Variants in PTPRK observed in about 807,000 individuals in gnomAD.
PTPRK encodes the protein receptor-type tyrosine-protein phosphatase kappa.
A neutral mutation model predicts 178.0 loss-of-function variants in PTPRK; 75 were observed. That is an observed-to-expected ratio of 0.42 (90% CI 0.35 to 0.51). The LOEUF (loss-of-function observed/expected upper bound fraction) is 0.51, where lower values mean the gene tolerates loss of function less well. PTPRK is among the 20% of genes least tolerant of loss of function. The pLI, the probability that PTPRK is intolerant of heterozygous loss-of-function variation, is 0.02. For missense variants in PTPRK, 1,441 were observed against 1,797.8 expected (o/e 0.80, Z 3.59); for synonymous variants, 637 against 620.6 (o/e 1.03, Z -0.39).
intron 13 of PTPRK, among the ~76,000 whole-genome samples, chr6:128,021,247 T>C (rs1773455451): frequency 1.3e-5 from 2 of 152,178 alleles, no homozygotes; most frequent in African/African-American, 2.4e-5. Flanking sequence ...ACACCCAAAA[T>C]ACTTCAGTGG....
intron 6 of PTPRK, among the ~76,000 whole-genome samples, chr6:128,197,741 C>A (rs1462853919): frequency 6.6e-6 from 1 of 151,740 alleles, no homozygotes; most frequent in Non-Finnish European, 1.5e-5. Context: ...ATTTTTGTGA[C>A]TATTACGGTA....
In PTPRK at chr6:128,391,777, T is replaced by C. The variant is rs1215048280; in HGVS notation, c.223+5789A>G. On this transcript the variant is annotated intron_variant, in intron 2 of 29. Coordinates refer to ENST00000368226, the MANE Select transcript of PTPRK (RefSeq NM_002844.4). ...GTATTAAAATGTGTTCCATGGCATA[T>C]ATAATATTATTTTAATAAATTATTA... is the stretch of plus-strand genomic sequence containing the variant. 2.6e-5 allele frequency among the ~76,000 whole-genome samples: 4 copies of C among 151,734 alleles called. No individual in the cohort carries two copies. In the East Asian group the frequency reaches 7.7e-4, roughly 29 times the overall value.
intron 1 of PTPRK, among the ~76,000 whole-genome samples, chr6:128,411,029 C>G (rs1022886146): frequency 6.6e-6 from 1 of 152,124 alleles, no homozygotes; most frequent in Non-Finnish European, 1.5e-5. Flanking sequence ...GTACCTGGGA[C>G]TATAGGTGCA....
chr6:128,172,719 A>G (rs1340256769), intron 7 of PTPRK, among the ~76,000 whole-genome samples: 3 of 151,596 alleles, frequency 2.0e-5, no homozygotes, highest in Non-Finnish European at 4.4e-5. Flanking sequence ...ATGTATGTAT[A>G]TGATATGCAC....
chr6:128,296,898 C>A (rs1824524305), intron 3 of PTPRK, among the ~76,000 whole-genome samples: 1 of 151,866 alleles, frequency 6.6e-6, no homozygotes, highest in Non-Finnish European at 1.5e-5. Flanking sequence ...TGTAAATGGA[C>A]TAAATGCTCC....
At chr6:128,036,543 A>G (rs1224847713) in intron 13 of PTPRK, among the ~76,000 whole-genome samples, 1 of 152,244 alleles carries the variant, frequency 6.6e-6, no homozygotes, top group African/African-American at 2.4e-5. Flanking sequence ...ATTAATACAC[A>G]TATCTTACTC....
intron 1 of PTPRK, among the ~76,000 whole-genome samples, chr6:128,424,703 C>T (rs1843900142): frequency 6.6e-6 from 1 of 152,146 alleles, no homozygotes; most frequent in African/African-American, 2.4e-5. Flanking sequence ...TGCTAAGCCC[C>T]AAGTCACTCT....
Position 128,520,441 on chromosome 6 carries a change from C to G in PTPRK, c.-83G>C. ...CGAAATCCACGACGGAGGAGCGGGC[C>G]GGGCCTCGCGGGGTGAGGACGGTGA... is the stretch of plus-strand genomic sequence containing the variant. On this transcript the variant is annotated 5_prime_UTR_variant, in exon 1 of 30. Coordinates refer to ENST00000368226, the MANE Select transcript of PTPRK (RefSeq NM_002844.4). 1.5e-6 allele frequency: 2 copies of G among 1,357,968 alleles called. No individual in the cohort carries two copies. The highest frequency in any genetic ancestry group is 2.5e-5 in the East Asian group (1 of 39,776). The allele number at this position is 1,357,968 out of a possible 1,614,324, so 84.1% of individuals were successfully genotyped here.
chr6:128,477,985 C>T (rs748394179), intron 1 of PTPRK, among the ~76,000 whole-genome samples: 4 of 152,002 alleles, frequency 2.6e-5, no homozygotes, highest in African/African-American at 4.8e-5. Context: ...CTGCACAATA[C>T]GTGTAAAGAT....
chr6:127,998,811 T>C lies in PTPRK; in HGVS notation c.2588A>G (p.Gln863Arg). ...EGTESPYQTG[Q>R]LHPAIRVADL... Reference sequence around the variant, plus strand: ...AGCTACCCTGATGGCTGGATGCAGCTGTCCTGTCTGGTAAGGGGATTCCGT... The same window carrying C: ...AGCTACCCTGATGGCTGGATGCAGCCGTCCTGTCTGGTAAGGGGATTCCGT... Residue 863 changes from glutamine (Q) to arginine (R), a missense_variant, in exon 16 of 30, where the codon CAG (glutamine) becomes CGG (arginine). Transcript: ENST00000368226. 1.9e-6 allele frequency: 3 copies of C among 1,611,046 alleles called. No individual in the cohort carries two copies. Among genetic ancestry groups the C allele is most frequent in the Non-Finnish European group, 2.5e-6 (3 of 1,178,144 alleles).
intron 7 of PTPRK, among the ~76,000 whole-genome samples, chr6:128,160,288 T>C (rs1798522494): frequency 6.6e-6 from 1 of 151,764 alleles, no homozygotes; most frequent in African/African-American, 2.4e-5. Context: ...ACTCTTTTTA[T>C]ACACATACAT....
rs530145869 is a variant in PTPRK, at chr6:128,235,146, G to A, written c.693+4889C>T. Among the ~76,000 whole-genome samples, 10 of 152,042 alleles carry A rather than the reference G, an allele frequency of 6.6e-5. No homozygotes were observed. The East Asian group carries it at 1.7e-3, about 26-fold the overall frequency. ...CCCCATAAATATGTACAAGTAGTAT[G>A]TATTGATAATAATTTGATATTAAAA... On this transcript the variant is annotated intron_variant, in intron 5 of 29. Coordinates refer to ENST00000368226, the MANE Select transcript of PTPRK (RefSeq NM_002844.4).
chr6:128,009,186 A>G lies in PTPRK; in HGVS notation c.2277T>C (p.Ala759=). 6.2e-7 allele frequency: 1 copy of G among 1,609,238 alleles called. No homozygotes were observed. Among genetic ancestry groups the G allele is most frequent in the Non-Finnish European group, 8.5e-7 (1 of 1,176,890 alleles). ...DRVVKIAGIS[A]GILVFILLLL... is the part of the protein sequence containing the mutation. Reference sequence around the variant, plus strand: ...GAAGGAGGATGAACACCAAAATTCCAGCACTAATTCCTGCTATTTTCACCA... The same window carrying G: ...GAAGGAGGATGAACACCAAAATTCCGGCACTAATTCCTGCTATTTTCACCA... Residue 759 remains alanine, a synonymous_variant, in exon 14 of 30, where the codon GCT becomes GCC. Transcript: ENST00000368226.
At chr6:128,211,141 T>A (rs889725160) in intron 6 of PTPRK, among the ~76,000 whole-genome samples, 1 of 152,098 alleles carries the variant, frequency 6.6e-6, no homozygotes, top group Non-Finnish European at 1.5e-5. Flanking sequence ...AAAACAAGTA[T>A]CAGAGCTAAA....
chr6:128,172,549 T>A (rs982233576), intron 7 of PTPRK, among the ~76,000 whole-genome samples: 2 of 151,534 alleles, frequency 1.3e-5, no homozygotes, highest in South Asian at 2.1e-4. Flanking sequence ...TGATAAAAAA[T>A]TTTAAAAATA....
chr6:128,359,766 A>T (rs138245819), intron 2 of PTPRK, among the ~76,000 whole-genome samples: 8,691 of 151,998 alleles, frequency 0.057, 709 homozygotes, highest in African/African-American at 0.17. Context: ...AATAAAAAAA[A>T]AATAATAAAA....
At chr6:128,330,349 A>G (rs188818394) in intron 2 of PTPRK, among the ~76,000 whole-genome samples, 1 of 151,640 alleles carries the variant, frequency 6.6e-6, no homozygotes, top group East Asian at 1.9e-4. Flanking sequence ...TCATCTTTTC[A>G]TTTCCTTTTT....
chr6:128,196,899 C>T (rs562433409), intron 6 of PTPRK, among the ~76,000 whole-genome samples: 1 of 152,116 alleles, frequency 6.6e-6, no homozygotes, highest in South Asian at 2.1e-4. Flanking sequence ...GAGAAAAGAA[C>T]CATAAGACAT....
At chr6:128,246,414 G>A in intron 3 of PTPRK, among the ~76,000 whole-genome samples, 1 of 151,880 alleles carries the variant, frequency 6.6e-6, no homozygotes, top group Admixed American at 6.6e-5. Flanking sequence ...GATTTAAAAG[G>A]AGGCAAAATA....
Sources: gnomAD v4.1 joint callset for allele counts (sites outside exome capture counted in the v4.1 genomes callset) on GRCh38, gnomAD v4.1.1 for gene constraint, MANE v1.5 for transcripts, NCBI Gene and HGNC (gene_info 2026-07-23, HGNC 2026-07-21) for gene names.